The following AKAP13 variants were observed in gnomAD, a reference collection of about 807,000 sequenced individuals.
The protein encoded by AKAP13 is A-kinase anchoring protein 13, also known as A-kinase anchor protein 13.
In AKAP13, 80 loss-of-function variants were observed where a neutral mutation model predicts 264.5. That is an observed-to-expected ratio of 0.30 (90% CI 0.25 to 0.36). The LOEUF is 0.36. Among genes scored for constraint, AKAP13 ranks in the 10% least tolerant of loss-of-function variants. The probability of loss-of-function intolerance (pLI) is 1.00; values close to 1 mark genes in which losing one functional copy is unlikely to be tolerated. For synonymous variants in AKAP13, 1,380 were observed against 1,250.2 expected, an observed-to-expected ratio of 1.10 and a Z score of -2.19; for missense variants, 3,712 against 3,435.2, an observed-to-expected ratio of 1.08 and a Z score of -2.01.
intron 3 of AKAP13, among the ~76,000 whole-genome samples, chr15:85,527,016 G>A (rs1010272526): frequency 4.0e-5 from 6 of 150,544 alleles, no homozygotes; most frequent in African/African-American, 1.2e-4. Context: ...GTGCAGTGGC[G>A]CGATCTCTGC....
rs551605003 is a variant in AKAP13 at position 85,671,926 on chromosome 15, T to C, written c.5101+2096T>C. On this transcript the variant is annotated intron_variant, in intron 14 of 36. Coordinates refer to ENST00000394518, the MANE Select transcript of AKAP13 (RefSeq NM_007200.5). ...CTTTTTCCTATATTTTGTGACATGC[T>C]TTCTTTCCTTGTGGATGAAACACTT... is the stretch of plus-strand genomic sequence containing the variant. 7.2e-5 allele frequency among the ~76,000 whole-genome samples: 11 copies of C among 152,364 alleles called. No individual in the cohort carries two copies. In the East Asian group the frequency reaches 1.9e-3, roughly 27 times the overall value.
intron 14 of AKAP13, among the ~76,000 whole-genome samples, chr15:85,679,893 C>T (rs748331306): frequency 6.6e-6 from 1 of 152,138 alleles, no homozygotes; most frequent in Non-Finnish European, 1.5e-5. Context: ...GCTCTGAAAA[C>T]TTGATGATAC....
chr15:85,452,052 C>A (rs926331688), intron 1 of AKAP13, among the ~76,000 whole-genome samples: 4 of 151,878 alleles, frequency 2.6e-5, no homozygotes, highest in Non-Finnish European at 5.9e-5. Flanking sequence ...AGGTTTTGTT[C>A]ATTCCTTTTT....
At chr15:85,574,660 A>G (rs977263219) in intron 5 of AKAP13, among the ~76,000 whole-genome samples, 1 of 152,172 alleles carries the variant, frequency 6.6e-6, no homozygotes, top group Admixed American at 6.5e-5. Flanking sequence ...TTCTGCACCT[A>G]TTGTTAGAAA....
intron 8 of AKAP13, among the ~76,000 whole-genome samples, chr15:85,616,004 C>A (rs1038327691): frequency 1.3e-5 from 2 of 152,148 alleles, no homozygotes; most frequent in African/African-American, 4.8e-5. Context: ...ACCTTGTGTT[C>A]TCTGCAGAGA....
intron 16 of AKAP13, among the ~76,000 whole-genome samples, chr15:85,686,731 G>C (rs2084955669): frequency 6.6e-6 from 1 of 152,118 alleles, no homozygotes; most frequent in Admixed American, 6.6e-5. Context: ...TTGGATACTA[G>C]TTGGTATCAA....
At chr15:85,398,177 A>G (rs1488044933) in intron 1 of AKAP13, among the ~76,000 whole-genome samples, 1 of 152,034 alleles carries the variant, frequency 6.6e-6, no homozygotes, top group Non-Finnish European at 1.5e-5. Context: ...GTGAGCTATT[A>G]TTTTGGCAGA....
chr15:85,571,704 AG>A (rs2078823744), intron 5 of AKAP13, among the ~76,000 whole-genome samples: 2 of 152,278 alleles, frequency 1.3e-5, no homozygotes, highest in African/African-American at 4.8e-5. Context: ...TCGACAGAAC[AG>A]GGATTTTGGT....
chr15:85,650,771 A>AAAAAAAAAAAC (rs2082779023), intron 10 of AKAP13, among the ~76,000 whole-genome samples: 2 of 139,716 alleles, frequency 1.4e-5, no homozygotes, highest in Admixed American at 7.1e-5. Flanking sequence ...AAAAAAAAAA[A>AAAAAAAAAAAC]AAAAAAAAAA....
intron 23 of AKAP13, among the ~76,000 whole-genome samples, chr15:85,720,501 T>G: frequency 6.6e-6 from 1 of 152,222 alleles, no homozygotes; most frequent in East Asian, 1.9e-4. Flanking sequence ...GATGTGATTG[T>G]CATAGACAGA....
rs1017905618 is a variant in AKAP13, at chr15:85,562,705, T to C, written c.663-12426T>C. On this transcript the variant is annotated intron_variant, in intron 5 of 36. Transcript: ENST00000394518. Reference sequence around the variant, plus strand: ...TCTTTTCTTTTCTTTTTTTTTTTTTTTTTTTTTGAGACTGAATTTCCCTCT... The same window carrying C: ...TCTTTTCTTTTCTTTTTTTTTTTTTCTTTTTTTGAGACTGAATTTCCCTCT... Among the ~76,000 whole-genome samples, 11 of 138,148 alleles carry C rather than the reference T, an allele frequency of 8.0e-5. 2 individuals carry two copies. The highest frequency in any genetic ancestry group is 2.4e-4 in the African/African-American group (9 of 37,354). The allele number at this position is 138,148 out of a possible 152,430, so 90.6% of individuals were successfully genotyped here. A position where few individuals can be genotyped will look rare whatever the true frequency, so the allele number is the denominator to read the frequency against.
At chr15:85,591,790 A>G (rs2079591068) in intron 8 of AKAP13, among the ~76,000 whole-genome samples, 1 of 152,164 alleles carries the variant, frequency 6.6e-6, no homozygotes, top group Non-Finnish European at 1.5e-5. Flanking sequence ...GCATCTGTTC[A>G]TTGAAGTATC....
intron 1 of AKAP13, among the ~76,000 whole-genome samples, chr15:85,454,175 C>T (rs1372694047): frequency 1.3e-5 from 2 of 152,122 alleles, no homozygotes; most frequent in African/African-American, 4.8e-5. Flanking sequence ...GGGGTATTTA[C>T]AGGAGTCTAA....
At chr15:85,405,540 ATG>A (rs2071621059) in intron 1 of AKAP13, among the ~76,000 whole-genome samples, 1 of 152,212 alleles carries the variant, frequency 6.6e-6, no homozygotes, top group Non-Finnish European at 1.5e-5. Flanking sequence ...AGTGCTTACT[ATG>A]TGCTAGATGC....
At chr15:85,560,090 C>T (rs1030370768) in intron 5 of AKAP13, among the ~76,000 whole-genome samples, 5 of 116,768 alleles carry the variant, frequency 4.3e-5, no homozygotes, top group African/African-American at 9.9e-5. Flanking sequence ...CTCCTGTGTT[C>T]GTTTCAAGGA....
At chr15:85,463,806 C>CT (rs546749750) in intron 1 of AKAP13, among the ~76,000 whole-genome samples, 6,306 of 144,314 alleles carry the variant, frequency 0.044, 149 homozygotes, top group South Asian at 0.077. Flanking sequence ...TGGGTCTTTA[C>CT]TTTTTTTTTT....
intron 1 of AKAP13, among the ~76,000 whole-genome samples, chr15:85,439,932 G>T (rs925253382): frequency 6.0e-5 from 9 of 150,486 alleles, no homozygotes; most frequent in African/African-American, 2.2e-4. Flanking sequence ...TAACTAACCT[G>T]CACAATATGC....
In AKAP13 at chr15:85,675,817, G is replaced by A. The variant is rs1438475444; in HGVS notation, c.5101+5987G>A. Among the ~76,000 whole-genome samples, 3 of 152,266 alleles carry A rather than the reference G, an allele frequency of 2.0e-5. No individual in the cohort carries two copies. In the East Asian group the frequency reaches 5.8e-4, roughly 29 times the overall value. On this transcript the variant is annotated intron_variant, in intron 14 of 36. Transcript: ENST00000394518. ...TTTGGGCCTCTTGCCTGAGGGAATT[G>A]GAATCATTTACATTGATTAAGTTGG...
intron 2 of AKAP13, among the ~76,000 whole-genome samples, chr15:85,490,619 C>T (rs2075694997): frequency 1.3e-5 from 2 of 152,162 alleles, no homozygotes; most frequent in African/African-American, 2.4e-5. Context: ...GCATTTTAGC[C>T]TTAAACATTT....
Sources: gnomAD v4.1 joint callset for allele counts (sites outside exome capture counted in the v4.1 genomes callset) on GRCh38, gnomAD v4.1.1 for gene constraint, MANE v1.5 for transcripts, NCBI Gene and HGNC (gene_info 2026-07-23, HGNC 2026-07-21) for gene names.